Variants in CADM1 observed in about 807,000 individuals in gnomAD.
CADM1 encodes the protein TSLC-1.
A neutral mutation model predicts 53.1 loss-of-function variants in CADM1; 15 were observed. The ratio of observed to expected loss-of-function variants is 0.28; its 90% CI spans 0.19 to 0.44. The LOEUF is 0.44. CADM1 is among the 20% of genes least tolerant of loss of function. CADM1 has a pLI of 1.00. For missense variants in CADM1, 434 were observed against 611.3 expected (o/e 0.71, Z 3.06); for synonymous variants, 281 against 243.0 (o/e 1.16, Z -1.45).
At chr11:115,326,165 TG>T (rs1944953931) in intron 1 of CADM1, among the ~76,000 whole-genome samples, 2 of 152,202 alleles carry the variant, frequency 1.3e-5, no homozygotes, top group Non-Finnish European at 2.9e-5. Flanking sequence ...GGAGCTGTTC[TG>T]TATAATAAAG....
rs201110741 is a variant in CADM1, at chr11:115,479,026, G to A, written c.124+25245C>T. ...TTTGTGCACTTGTAAAACTATGTCT[G>A]TAGACTGAAGTGATTTTGTTTGGGG... On this transcript the variant is annotated intron_variant, in intron 1 of 11. Coordinates refer to ENST00000331581, the MANE Select transcript of CADM1 (RefSeq NM_001301043.2). Among the ~76,000 whole-genome samples, 16 of 152,226 alleles carry A rather than the reference G, an allele frequency of 1.1e-4. No individual in the cohort carries two copies. The East Asian group carries it at 3.1e-3, about 29-fold the overall frequency.
At chr11:115,329,320 C>T (rs1945069776) in intron 1 of CADM1, among the ~76,000 whole-genome samples, 1 of 152,180 alleles carries the variant, frequency 6.6e-6, no homozygotes, top group Non-Finnish European at 1.5e-5. Flanking sequence ...TTTGCTGTGT[C>T]TTCCACAATA....
chr11:115,223,958 TAAA>T (rs71848250), intron 5 of CADM1, among the ~76,000 whole-genome samples: 3 of 106,796 alleles, frequency 2.8e-5, no homozygotes, highest in African/African-American at 1.0e-4. Context: ...GTATTCCGTT[TAAA>T]AAAAAAAAAA....
Position 115,169,650 on chromosome 11 carries a change from AAGAG to A in CADM1, c.*6820_*6823del, listed in dbSNP as rs1565273686. The A allele has an allele frequency of 2.2e-6, 1 of 456,504 alleles. No homozygotes were observed. Among genetic ancestry groups the A allele is most frequent in the East Asian group, 7.0e-5 (1 of 14,388 alleles). 28.3% of individuals were successfully genotyped at this position (456,504 alleles called of 1,614,324 possible). On this transcript the variant is annotated 3_prime_UTR_variant, in exon 12 of 12. Coordinates refer to ENST00000331581, the MANE Select transcript of CADM1 (RefSeq NM_001301043.2). The stretch of plus-strand genomic sequence containing the variant: ...GCCTAGAGAGAGGGAGAGAAAGAGA[AAGAG>A]AGAGAGATGGATAGTAATTTCGTCA...
chr11:115,299,942 T>C (rs1050816115), intron 1 of CADM1, among the ~76,000 whole-genome samples: 1 of 152,174 alleles, frequency 6.6e-6, no homozygotes, highest in Non-Finnish European at 1.5e-5. Flanking sequence ...ATTCAAGGAA[T>C]CTAAATCAGA....
chr11:115,322,441 T>C (rs1322335003), intron 1 of CADM1, among the ~76,000 whole-genome samples: 1 of 152,222 alleles, frequency 6.6e-6, no homozygotes, highest in Non-Finnish European at 1.5e-5. Context: ...AACTCACCTG[T>C]TTATAGTGTA....
At chr11:115,256,691 A>G (rs952563239) in intron 1 of CADM1, 33 of 400,412 alleles carry the variant, frequency 8.2e-5, no homozygotes, top group African/African-American at 6.5e-4. Flanking sequence ...GCAGGGAGAG[A>G]GAGCCAGCAA....
At chr11:115,188,347 T>C (rs1333132482) in intron 10 of CADM1, among the ~76,000 whole-genome samples, 2 of 152,070 alleles carry the variant, frequency 1.3e-5, no homozygotes, top group African/African-American at 4.8e-5. Flanking sequence ...CTGGGTAAGC[T>C]CCCCAGGCCT....
intron 3 of CADM1, among the ~76,000 whole-genome samples, chr11:115,233,178 G>A (rs1302703441): frequency 1.3e-5 from 2 of 152,128 alleles, no homozygotes; most frequent in Admixed American, 6.5e-5. Context: ...AGAGCCAAAG[G>A]ATCCCTCTTC....
At chr11:115,385,511 A>G (rs1368965966) in intron 1 of CADM1, among the ~76,000 whole-genome samples, 1 of 152,044 alleles carries the variant, frequency 6.6e-6, no homozygotes, top group Non-Finnish European at 1.5e-5. Flanking sequence ...CATCTCAATT[A>G]TTCTATTACA....
intron 1 of CADM1, among the ~76,000 whole-genome samples, chr11:115,458,640 C>T (rs1948731303): frequency 2.0e-5 from 3 of 151,764 alleles, no homozygotes; most frequent in Non-Finnish European, 4.4e-5. Flanking sequence ...GTTTTCCCCC[C>T]ATCCACATTT....
intron 1 of CADM1, among the ~76,000 whole-genome samples, chr11:115,482,094 A>C (rs1949270054): frequency 6.6e-6 from 1 of 152,048 alleles, no homozygotes; most frequent in Admixed American, 6.5e-5. Context: ...AGAATCCCCC[A>C]TGCTTTTGTC....
intron 1 of CADM1, among the ~76,000 whole-genome samples, chr11:115,491,369 T>C (rs929630747): frequency 1.3e-5 from 2 of 151,912 alleles, no homozygotes; most frequent in East Asian, 3.9e-4. Context: ...ATCGAGACCA[T>C]CCTGGCTAAC....
chr11:115,421,737 G>C (rs1245172013), intron 1 of CADM1, among the ~76,000 whole-genome samples: 2 of 152,200 alleles, frequency 1.3e-5, no homozygotes, highest in East Asian at 3.9e-4. Context: ...GCCATTGCCA[G>C]AGAAAATTGT....
chr11:115,244,737 T>C (rs932411515), intron 1 of CADM1, among the ~76,000 whole-genome samples: 2 of 152,244 alleles, frequency 1.3e-5, no homozygotes, highest in African/African-American at 4.8e-5. Context: ...GAAAATGTAC[T>C]TGTTTTTAAA....
At chr11:115,227,198 C>T (rs1257812512) in intron 5 of CADM1, among the ~76,000 whole-genome samples, 2 of 152,128 alleles carry the variant, frequency 1.3e-5, no homozygotes, top group Non-Finnish European at 2.9e-5. Context: ...CACTTTCCTG[C>T]AATTAAAGGC....
chr11:115,333,008 C>A (rs990370624), intron 1 of CADM1, among the ~76,000 whole-genome samples: 6 of 152,228 alleles, frequency 3.9e-5, no homozygotes, highest in African/African-American at 1.4e-4. Flanking sequence ...TCCTCCTCAC[C>A]TCACCAGTCC....
intron 1 of CADM1, among the ~76,000 whole-genome samples, chr11:115,323,249 A>G (rs1030063071): frequency 2.6e-5 from 4 of 152,188 alleles, no homozygotes; most frequent in African/African-American, 7.2e-5. Context: ...TAAATGTATT[A>G]TAATTTTGAG....
rs1330602078 is a variant in CADM1, at chr11:115,403,982, T to C, written c.124+100289A>G. ...TAGAAAAAAAAAAAGTATTTTTTTATGTGTGTTTTTCAAAGCAGCATGGAA... is the reference window on the plus strand; with the variant it reads ...TAGAAAAAAAAAAAGTATTTTTTTACGTGTGTTTTTCAAAGCAGCATGGAA... On this transcript the variant is annotated intron_variant, in intron 1 of 11. Coordinates refer to ENST00000331581, the MANE Select transcript of CADM1 (RefSeq NM_001301043.2). Among the ~76,000 whole-genome samples the C allele has an allele frequency of 3.9e-5, 6 of 151,908 alleles. No homozygotes were observed. The East Asian group carries it at 9.7e-4, about 24-fold the overall frequency.
Sources: allele counts gnomAD v4.1 joint callset (sites outside exome capture counted in the v4.1 genomes callset), GRCh38; gene constraint gnomAD v4.1.1; transcripts MANE v1.5; gene names NCBI Gene and HGNC (gene_info 2026-07-23, HGNC 2026-07-21).